The following HS3ST5 variants were observed in gnomAD, a reference collection of about 807,000 sequenced individuals.
HS3ST5 encodes the protein heparan sulfate glucosamine 3-O-sulfotransferase 5.
HS3ST5 carries 10 observed loss-of-function variants against 25.4 expected under a neutral mutation model. The observed-to-expected ratio is 0.39, with a 90% CI of 0.24 to 0.67. The LOEUF (loss-of-function observed/expected upper bound fraction) is 0.67. HS3ST5 is among the 30% of genes least tolerant of loss of function. The pLI is 0.44. For synonymous variants in HS3ST5, 170 were observed against 162.4 expected (o/e 1.05, Z -0.36); for missense variants, 324 against 420.7 (o/e 0.77, Z 2.01).
chr6:114,120,144 CAAACAAAACA>C (rs377681149), intron 3 of HS3ST5, among the ~76,000 whole-genome samples: 147 of 151,994 alleles, frequency 9.7e-4, no homozygotes, highest in African/African-American at 3.3e-3. Context: ...GATGCTGTCT[CAAACAAAACA>C]AAACAAAACA....
At chr6:114,296,269 C>T (rs892515297) in intron 1 of HS3ST5, among the ~76,000 whole-genome samples, 4 of 152,014 alleles carry the variant, frequency 2.6e-5, no homozygotes, top group Non-Finnish European at 5.9e-5. Flanking sequence ...TAGAATGCCA[C>T]GTCATAGAAG....
intron 1 of HS3ST5, among the ~76,000 whole-genome samples, chr6:114,313,960 C>T (rs1775645177): frequency 6.6e-6 from 1 of 152,118 alleles, no homozygotes; most frequent in South Asian, 2.1e-4. Context: ...GAGTCTCACT[C>T]TGTTGCCCTG....
chr6:114,059,620 A>T (rs1243634959), intron 4 of HS3ST5: 2 of 152,044 alleles, frequency 1.3e-5, no homozygotes, highest in African/African-American at 2.4e-5. Context: ...ATGAGATTTG[A>T]TGGTTTAAAA....
intron 1 of HS3ST5, among the ~76,000 whole-genome samples, chr6:114,288,495 CTA>C (rs1197234464): frequency 5.3e-5 from 8 of 152,124 alleles, no homozygotes; most frequent in Admixed American, 5.2e-4. Flanking sequence ...TTTCCTTTTT[CTA>C]ATGAAAAAGG....
chr6:114,283,070 G>A (rs1308552443), intron 1 of HS3ST5, among the ~76,000 whole-genome samples: 1 of 151,550 alleles, frequency 6.6e-6, no homozygotes, highest in African/African-American at 2.4e-5. Context: ...GAAGCTACAG[G>A]GAGAGAAAGA....
chr6:114,280,410 G>A (rs1462088059), intron 1 of HS3ST5, among the ~76,000 whole-genome samples: 3 of 151,836 alleles, frequency 2.0e-5, no homozygotes, highest in Admixed American at 1.3e-4. Context: ...GTAAGATGAG[G>A]GCTCTGGCCC....
intron 3 of HS3ST5, among the ~76,000 whole-genome samples, chr6:114,120,324 C>G (rs1402427216): frequency 1.3e-5 from 2 of 152,060 alleles, no homozygotes; most frequent in African/African-American, 2.4e-5. Context: ...ACAGGAGAAA[C>G]TGAGGTACAG....
chr6:114,116,048 G>T (rs1776514178), intron 3 of HS3ST5: 1 of 151,822 alleles, frequency 6.6e-6, no homozygotes, highest in Admixed American at 6.6e-5. Context: ...ACAATATAAA[G>T]AAAAGGCACT....
chr6:114,113,327 A>T (rs1434328878), intron 3 of HS3ST5, among the ~76,000 whole-genome samples: 1 of 152,156 alleles, frequency 6.6e-6, no homozygotes, highest in African/African-American at 2.4e-5. Flanking sequence ...CCAGTAAAAA[A>T]TCTAAACTCT....
chr6:114,160,366 A>G (rs1778889609), intron 3 of HS3ST5, among the ~76,000 whole-genome samples: 1 of 152,172 alleles, frequency 6.6e-6, no homozygotes, highest in African/African-American at 2.4e-5. Context: ...ATATTATTTT[A>G]CAAAATACTT....
chr6:114,293,673 T>C (rs1004360861), intron 1 of HS3ST5, among the ~76,000 whole-genome samples: 2 of 152,194 alleles, frequency 1.3e-5, no homozygotes, highest in Non-Finnish European at 2.9e-5. Flanking sequence ...CATAAGAGCA[T>C]ATAAAATCAC....
intron 2 of HS3ST5, among the ~76,000 whole-genome samples, chr6:114,170,573 G>T (rs1051359796): frequency 6.6e-6 from 1 of 151,940 alleles, no homozygotes; most frequent in African/African-American, 2.4e-5. Context: ...ATACTGTTTC[G>T]GATCAAAGCG....
intron 1 of HS3ST5, chr6:114,231,297 TG>T (rs1318044199): frequency 6.6e-6 from 1 of 152,230 alleles, no homozygotes; most frequent in Admixed American, 6.5e-5. Context: ...CTTCGAGCTT[TG>T]AAAAAGGTTG....
At chr6:114,091,065 C>T (rs1179497463) in intron 3 of HS3ST5, among the ~76,000 whole-genome samples, 1 of 152,144 alleles carries the variant, frequency 6.6e-6, no homozygotes, top group East Asian at 1.9e-4. Flanking sequence ...CTAATTATAA[C>T]ACTCCTTTCT....
At chr6:114,322,458 T>TTAAAAAAAA (rs1312847922) in intron 1 of HS3ST5, among the ~76,000 whole-genome samples, 2 of 152,038 alleles carry the variant, frequency 1.3e-5, no homozygotes, top group East Asian at 3.8e-4. Flanking sequence ...ACATAACATA[T>TTAAAAAAAA]TAAAAAAAAT....
intron 3 of HS3ST5, among the ~76,000 whole-genome samples, chr6:114,070,506 C>T (rs143474533): frequency 7.0e-4 from 107 of 152,140 alleles, no homozygotes; most frequent in Middle Eastern, 3.4e-3. Flanking sequence ...CTTTTTCTCT[C>T]CATAACTCAA....
intron 2 of HS3ST5, among the ~76,000 whole-genome samples, chr6:114,202,948 A>G (rs62415806): frequency 0.22 from 33,327 of 152,116 alleles, 3,789 homozygotes; most frequent in Middle Eastern, 0.27. Context: ...CTTTCAGGCG[A>G]TAACTTCAAA....
chr6:114,188,433 A>T (rs1447207433), intron 2 of HS3ST5, among the ~76,000 whole-genome samples: 1 of 152,190 alleles, frequency 6.6e-6, no homozygotes. Flanking sequence ...AGTCTAAGCA[A>T]GGTTTTAAAA....
chr6:114,296,214 G>A (rs1477745319), intron 1 of HS3ST5, among the ~76,000 whole-genome samples: 2 of 152,002 alleles, frequency 1.3e-5, no homozygotes, highest in Non-Finnish European at 1.5e-5. Context: ...CTCTAAATAT[G>A]GGTCCATGTC....
Sources: allele counts gnomAD v4.1 joint callset (sites outside exome capture counted in the v4.1 genomes callset), GRCh38; gene constraint gnomAD v4.1.1; transcripts MANE v1.5; gene names NCBI Gene and HGNC (gene_info 2026-07-23, HGNC 2026-07-21).